ENAH: variants seen among roughly 807,000 people sequenced by gnomAD.
ENAH encodes protein enabled homolog.
Under a neutral mutation model 78.7 loss-of-function variants are expected in ENAH, and 23 were observed. That is an observed-to-expected ratio of 0.29 (90% confidence interval 0.21 to 0.41). The LOEUF is 0.41. Among genes scored for constraint, ENAH ranks in the 10% least tolerant of loss-of-function variants. ENAH has a pLI of 1.00. For missense variants in ENAH, 544 were observed against 691.0 expected (o/e 0.79, Z 2.39); for synonymous variants, 226 against 241.0 (o/e 0.94, Z 0.58).
At chr1:225,593,974 T>C (rs926137889) in intron 1 of ENAH, among the ~76,000 whole-genome samples, 1 of 152,212 alleles carries the variant, frequency 6.6e-6, no homozygotes, top group African/African-American at 2.4e-5. Flanking sequence ...TTGATGGGCC[T>C]TGAGATTACA....
intron 4 of ENAH, 89 bp downstream of exon 4, chr1:225,530,465 A>G (rs1013474083): frequency 1.2e-5 from 13 of 1,071,884 alleles, no homozygotes; most frequent in Middle Eastern, 2.7e-4. Context: ...TAAACAGCTG[A>G]TAAGACATAA....
rs1307861396 is a variant in ENAH, at chr1:225,498,218, A to C, written c.1675+129T>G. 3 of 715,488 alleles carry C rather than the reference A, an allele frequency of 4.2e-6. No homozygotes were observed. In the East Asian group the frequency reaches 8.7e-5, roughly 21 times the overall value. The allele number at this position is 715,488 out of a possible 1,614,324, so 44.3% of individuals were successfully genotyped here. On this transcript the variant is annotated intron_variant, in intron 13 of 13. Coordinates refer to ENST00000366843, the MANE Select transcript of ENAH (RefSeq NM_018212.6). The stretch of plus-strand genomic sequence containing the variant: ...ACCTCCTCCCCAAAACCCTAATCCT[A>C]AAAGGGCAGGACTATGGAAGTCATT...
chr1:225,498,075 G>A (rs566646515), intron 13 of ENAH, among the ~76,000 whole-genome samples: 23 of 152,134 alleles, frequency 1.5e-4, no homozygotes, highest in Non-Finnish European at 2.6e-4. Context: ...GTGAGTAGAG[G>A]TAACCTAGAG....
At chr1:225,522,091 G>A (rs1018655923) in intron 4 of ENAH, among the ~76,000 whole-genome samples, 1 of 152,140 alleles carries the variant, frequency 6.6e-6, no homozygotes, top group South Asian at 2.1e-4. Flanking sequence ...CACCGCGCCC[G>A]GCCCAACAAT....
At chr1:225,548,120 G>A (rs1272882447) in intron 3 of ENAH, among the ~76,000 whole-genome samples, 1 of 151,328 alleles carries the variant, frequency 6.6e-6, no homozygotes, top group Admixed American at 6.6e-5. Context: ...TGTCTTTACC[G>A]GGCAGTTAAG....
At position 225,581,855 on chromosome 1, in the gene ENAH, A is replaced by AT. The variant is rs35457889; in HGVS notation, c.6-14442dup. 5.0e-3 allele frequency among the ~76,000 whole-genome samples: 717 copies of AT among 143,414 alleles called. 3 individuals are homozygous for AT. The highest frequency in any genetic ancestry group is 0.015 in the African/African-American group (586 of 38,784). 94.1% of individuals were successfully genotyped at this position (143,414 alleles called of 152,430 possible). A position where few individuals can be genotyped will look rare whatever the true frequency, so the allele number is the denominator to read the frequency against. The stretch of plus-strand genomic sequence containing the variant: ...AGGCACGCACCACCACACCCAGCTA[A>AT]TTTTTTTTTTTTTTTTTAATTTTTG... On this transcript the variant is annotated intron_variant, in intron 1 of 13. Transcript: ENST00000366843.
intron 1 of ENAH, among the ~76,000 whole-genome samples, chr1:225,627,797 C>T (rs760296429): frequency 5.3e-5 from 8 of 152,290 alleles, no homozygotes; most frequent in East Asian, 1.9e-4. Context: ...AACTTTCAGA[C>T]GCCTCCAGAC....
chr1:225,520,809 T>C (rs560441203), intron 4 of ENAH, among the ~76,000 whole-genome samples: 58 of 151,686 alleles, frequency 3.8e-4, no homozygotes, highest in African/African-American at 1.2e-3. Flanking sequence ...TAAGATAAGA[T>C]TGCATCATCA....
At chr1:225,608,992 T>C (rs1323174074) in intron 1 of ENAH, among the ~76,000 whole-genome samples, 1 of 152,084 alleles carries the variant, frequency 6.6e-6, no homozygotes, top group East Asian at 1.9e-4. Flanking sequence ...GAGTAGGCTC[T>C]AATAGATATT....
At chr1:225,633,858 G>A (rs990496696) in intron 1 of ENAH, among the ~76,000 whole-genome samples, 1 of 152,138 alleles carries the variant, frequency 6.6e-6, no homozygotes, top group Non-Finnish European at 1.5e-5. Context: ...GGTCTGTGGC[G>A]AAGGACTTAT....
chr1:225,588,968 C>T (rs545760306), intron 1 of ENAH, among the ~76,000 whole-genome samples: 1 of 152,060 alleles, frequency 6.6e-6, no homozygotes, highest in Admixed American at 6.6e-5. Context: ...TGTATTCACC[C>T]AAAGATTCAT....
At chr1:225,519,594 A>G (rs1354717407) in intron 4 of ENAH, 29 bp from the exon 5 acceptor site, 5 of 1,580,988 alleles carry the variant, frequency 3.2e-6, no homozygotes, top group Non-Finnish European at 4.3e-6. Context: ...AAGTAAAAAC[A>G]TGCATCTATG....
rs902117380 is a variant in ENAH at position 225,621,296 on chromosome 1, C to T, written c.5+31390G>A. Among the ~76,000 whole-genome samples, 277 of 142,766 alleles carry T rather than the reference C, an allele frequency of 1.9e-3. 1 individual carries two copies. Among genetic ancestry groups the T allele is most frequent in the African/African-American group, 6.9e-3 (271 of 39,336 alleles). The allele number at this position is 142,766 out of a possible 152,430, so 93.7% of individuals were successfully genotyped here. Reference sequence around the variant, plus strand: ...GAATTACTTCTTTAAATCTATCTCTCTTTTTTTTTTTTTTGAGACGCAGTC... The same window carrying T: ...GAATTACTTCTTTAAATCTATCTCTTTTTTTTTTTTTTTTGAGACGCAGTC... On this transcript the variant is annotated intron_variant, in intron 1 of 13. Transcript: ENST00000366843.
rs111971638 is a variant in ENAH at position 225,633,193 on chromosome 1, C to T, written c.5+19493G>A. Among the ~76,000 whole-genome samples, 646 of 152,048 alleles carry T rather than the reference C, an allele frequency of 4.2e-3. 4 individuals are homozygous for T. Among genetic ancestry groups the T allele is most frequent in the African/African-American group, 0.015 (621 of 41,460 alleles). Reference sequence around the variant, plus strand: ...GAATAGCTGGAACTACAGGCACCTGCCACCACACCTGGCTAATTTTTTTTT... The same window carrying T: ...GAATAGCTGGAACTACAGGCACCTGTCACCACACCTGGCTAATTTTTTTTT... On this transcript the variant is annotated intron_variant, in intron 1 of 13. Transcript: ENST00000366843.
At chr1:225,627,548 T>A (rs1285363395) in intron 1 of ENAH, among the ~76,000 whole-genome samples, 1 of 152,232 alleles carries the variant, frequency 6.6e-6, no homozygotes, top group Non-Finnish European at 1.5e-5. Flanking sequence ...AGTGCTGTTA[T>A]GAGGCCAGAG....
At chr1:225,562,984 A>C (rs938025180) in intron 2 of ENAH, among the ~76,000 whole-genome samples, 2 of 151,854 alleles carry the variant, frequency 1.3e-5, no homozygotes, top group East Asian at 1.9e-4. Flanking sequence ...AAAAAAAAAA[A>C]CCCGAAATGC....
intron 1 of ENAH, among the ~76,000 whole-genome samples, chr1:225,632,774 G>C (rs1316998387): frequency 6.6e-6 from 1 of 152,248 alleles, no homozygotes; most frequent in East Asian, 1.9e-4. Context: ...GAATGGCGCA[G>C]ACGCCCCCCA....
Position 225,501,022 on chromosome 1 carries a change from C to T in ENAH, c.1587G>A (p.Thr529=), listed in dbSNP as rs368744442. ...LSQPSANGVQ[T]EGLDYDRLKQ... is the part of the protein sequence containing the mutation. ...TCAGCCTGTCATAGTCAAGTCCTTC[C>T]GTCTGGACTCCATTGGCACTGGGCT... The change falls in exon 12 of 14, where the codon ACG becomes ACA. Residue 529 remains threonine, a synonymous_variant. Coordinates refer to ENST00000366843, the MANE Select transcript of ENAH (RefSeq NM_018212.6). 1.5e-5 allele frequency: 25 copies of T among 1,614,114 alleles called. No homozygotes were observed. Among genetic ancestry groups the T allele is most frequent in the East Asian group, 6.7e-5 (3 of 44,874 alleles).
intron 1 of ENAH, among the ~76,000 whole-genome samples, chr1:225,584,657 TTTAAA>T (rs1327555108): frequency 1.4e-4 from 22 of 151,840 alleles, no homozygotes; most frequent in Admixed American, 1.3e-3. Context: ...AGAGATGCAC[TTTAAA>T]TATACAGAAA....
Sources: allele counts gnomAD v4.1 joint callset (sites outside exome capture counted in the v4.1 genomes callset), GRCh38; gene constraint gnomAD v4.1.1; transcripts MANE v1.5; gene names NCBI Gene and HGNC (gene_info 2026-07-23, HGNC 2026-07-21).